The following WNT10B variants were observed in gnomAD, a reference collection of about 807,000 sequenced individuals.
The protein encoded by WNT10B is Wnt family member 10B, also known as protein Wnt-10b.
Under a neutral mutation model 32.7 loss-of-function variants are expected in WNT10B, and 26 were observed. The ratio of observed to expected loss-of-function variants is 0.79; its 90% confidence interval spans 0.58 to 1.10. The LOEUF is 1.10. WNT10B is among the 50% of genes least tolerant of loss of function. The pLI, the probability that WNT10B is intolerant of heterozygous loss-of-function variation, is 0.00. For missense variants in WNT10B, 474 were observed against 532.5 expected, an observed-to-expected ratio of 0.89 and a Z score of 1.08; for synonymous variants, 204 against 220.4, an observed-to-expected ratio of 0.93 and a Z score of 0.66.
In WNT10B at chr12:48,970,024, G is replaced by T. The variant is rs1225996052; in HGVS notation, c.337+65C>A. 1.2e-5 allele frequency: 16 copies of T among 1,385,008 alleles called. No homozygotes were observed. Among genetic ancestry groups the T allele is most frequent in the Admixed American group, 6.9e-5 (2 of 28,938 alleles). The allele number at this position is 1,385,008 out of a possible 1,614,324, so 85.8% of individuals were successfully genotyped here. On this transcript the variant is annotated intron_variant, in intron 3 of 4. Transcript: ENST00000301061. The surrounding 1 kb of genome is among the most constrained non-coding windows in gnomAD (Gnocchi z 5.0). The stretch of plus-strand genomic sequence containing the variant: ...CGAAACCATCCCTTCCCGCCTCCGC[G>T]CGCCTCGCCCTGCCGCCCACCCCCT...
intron 3 of WNT10B, among the ~76,000 whole-genome samples, chr12:48,968,780 GTTTT>G (rs1241721673): frequency 6.9e-6 from 1 of 145,970 alleles, no homozygotes; most frequent in East Asian, 1.9e-4. Context: ...TTGTGGTTCT[GTTTT>G]TTTGTTTTTT....
At position 48,965,982 on chromosome 12, in the gene WNT10B, T is replaced by C; in HGVS notation, c.*113A>G. ...ACCCCTAAAGCTGTTTCCAGGTAGA[T>C]ACTTTAAGCTTCCAGGGACCAAGAG... On this transcript the variant is annotated 3_prime_UTR_variant, in exon 5 of 5. Transcript: ENST00000301061. 2 of 1,313,914 alleles carry C rather than the reference T, an allele frequency of 1.5e-6. No homozygotes were observed. The highest frequency in any genetic ancestry group is 2.1e-6 in the Non-Finnish European group (2 of 943,664). The allele number at this position is 1,313,914 out of a possible 1,614,324, so 81.4% of individuals were successfully genotyped here.
Position 48,968,160 on chromosome 12 carries a change from G to A in WNT10B, c.497C>T (p.Ala166Val), listed in dbSNP as rs1565716464. ...RLRAKLLQLQ[A>V]LSRGKSFPHS... is the part of the protein sequence containing the mutation. ...GGGGAAACTCTTGCCTCGGGACAGTGCCTGCAGCTGCAGCAGTTTGGCCCT... is the reference window on the plus strand; with the variant it reads ...GGGGAAACTCTTGCCTCGGGACAGTACCTGCAGCTGCAGCAGTTTGGCCCT... The change falls in exon 4 of 5, where the codon GCA becomes GTA. Residue 166 changes from alanine to valine, a missense_variant. By Grantham distance (64) the Ala-to-Val change is moderately conservative. Transcript: ENST00000301061. 2 of 1,614,170 alleles carry A rather than the reference G, an allele frequency of 1.2e-6. No homozygotes were observed. The highest frequency in any genetic ancestry group is 8.5e-7 in the Non-Finnish European group (1 of 1,180,046).
chr12:48,970,588 G>C lies in WNT10B; in HGVS notation c.-40-19C>G, dbSNP rs113195587. On this transcript the variant is annotated intron_variant, in intron 1 of 4. Transcript: ENST00000301061. This position sits in a 1 kb window ranked among gnomAD's most constrained non-coding sequence, Gnocchi z 5.0. The stretch of plus-strand genomic sequence containing the variant: ...TCAGGACCTGCGGGACGGGAGACTT[G>C]ATGCGGGTTCAGGAATAGGGCGGCT... 2.4e-5 allele frequency: 37 copies of C among 1,541,794 alleles called. No individual in the cohort carries two copies. Among genetic ancestry groups the C allele is most frequent in the African/African-American group, 2.3e-4 (17 of 73,248 alleles).
At position 48,970,808 on chromosome 12, in the gene WNT10B, A is replaced by G. The variant is rs907152489; in HGVS notation, c.-40-239T>C. On this transcript the variant is annotated intron_variant, in intron 1 of 4. Transcript: ENST00000301061. The surrounding 1 kb of genome is among the most constrained non-coding windows in gnomAD (Gnocchi z 5.0). ...CAGGACTCAAGCGAGCACCCCTGGA[A>G]CCTTGCCCAATCAGACACAACGCCC... The G allele has an allele frequency of 1.4e-5, 8 of 563,678 alleles. No homozygotes were observed. The highest frequency in any genetic ancestry group is 2.5e-5 in the Non-Finnish European group (8 of 315,110). 34.9% of individuals were successfully genotyped at this position (563,678 alleles called of 1,614,324 possible). A position where few individuals can be genotyped will look rare whatever the true frequency, so the allele number is the denominator to read the frequency against.
Position 48,968,100 on chromosome 12 carries a change from G to A in WNT10B, c.557C>T (p.Pro186Leu), listed in dbSNP as rs2137612759. The A allele has an allele frequency of 1.9e-6, 3 of 1,614,212 alleles. No homozygotes were observed. In the South Asian group the frequency reaches 3.3e-5, roughly 18 times the overall value. ...SLPSPGPGSSPSPGPQDTWEW... is the reference protein window; with the variant it reads ...SLPSPGPGSSLSPGPQDTWEW... The stretch of plus-strand genomic sequence containing the variant: ...CCATGTGTCCTGGGGGCCAGGGCTG[G>A]GGCTTGAGCCAGGGCCAGGGCTGGG... Residue 186 changes from proline to leucine, a missense_variant, in exon 4 of 5, where the codon CCC becomes CTC. By Grantham distance (98) the Pro-to-Leu change is moderately conservative. Coordinates refer to ENST00000301061, the MANE Select transcript of WNT10B (RefSeq NM_003394.4).
At position 48,970,287 on chromosome 12, in the gene WNT10B, C is replaced by A. The variant is rs371297834; in HGVS notation, c.139G>T (p.Val47Leu). ...CTCAGGCCGGACAGCGTCAAGCACA[C>A]GGTGTTGGCCGTCAGCGGCGGCTCG... The part of the protein sequence containing the change: ...PGEPPLTANT[V>L]CLTLSGLSKR... Residue 47 changes from valine (V) to leucine (L), a missense_variant, in exon 3 of 5, where the codon GTG (valine) becomes TTG (leucine). Transcript: ENST00000301061. This position sits in a 1 kb window ranked among gnomAD's most constrained non-coding sequence, Gnocchi z 5.0. 31 of 1,613,852 alleles carry A rather than the reference C, an allele frequency of 1.9e-5. No individual in the cohort carries two copies. Among genetic ancestry groups the A allele is most frequent in the Non-Finnish European group, 2.6e-5 (31 of 1,179,952 alleles).
chr12:48,968,198 C>T lies in WNT10B; in HGVS notation c.459G>A (p.Glu153=). 2.5e-6 allele frequency: 4 copies of T among 1,613,652 alleles called. No homozygotes were observed. Among genetic ancestry groups the T allele is most frequent in the Non-Finnish European group, 3.4e-6 (4 of 1,180,048 alleles). ...GCAGTTTGGCCCTCAGCCGATCCTGCTCACCACTGCCCTTCCAGCCACAGC... is the reference window on the plus strand; with the variant it reads ...GCAGTTTGGCCCTCAGCCGATCCTGTTCACCACTGCCCTTCCAGCCACAGC... ...SCGCGWKGSG[E]QDRLRAKLLQ... Residue 153 remains glutamate (E), a synonymous_variant, in exon 4 of 5, where the codon GAG becomes GAA. Transcript: ENST00000301061.
chr12:48,967,861 T>C, intron 4 of WNT10B, 85 bp downstream of exon 4: 3 of 1,566,292 alleles, frequency 1.9e-6, no homozygotes, highest in Non-Finnish European at 2.6e-6. Flanking sequence ...CTCATCACAC[T>C]TTATCCTATC....
chr12:48,970,022 G>C lies in WNT10B; in HGVS notation c.337+67C>G. The C allele has an allele frequency of 2.2e-6, 3 of 1,383,912 alleles. No individual in the cohort carries two copies. Among genetic ancestry groups the C allele is most frequent in the South Asian group, 3.3e-5 (2 of 60,800 alleles). The allele number at this position is 1,383,912 out of a possible 1,614,324, so 85.7% of individuals were successfully genotyped here. A position where few individuals can be genotyped will look rare whatever the true frequency, so the allele number is the denominator to read the frequency against. On this transcript the variant is annotated intron_variant, in intron 3 of 4. Coordinates refer to ENST00000301061, the MANE Select transcript of WNT10B (RefSeq NM_003394.4). The surrounding 1 kb of genome is among the most constrained non-coding windows in gnomAD (Gnocchi z 5.0). ...CGCGAAACCATCCCTTCCCGCCTCC[G>C]CGCGCCTCGCCCTGCCGCCCACCCC...
At chr12:48,969,407 C>T (rs1485372540) in intron 3 of WNT10B, among the ~76,000 whole-genome samples, 2 of 152,204 alleles carry the variant, frequency 1.3e-5, no homozygotes, top group Non-Finnish European at 2.9e-5. Context: ...GGGCTGAGCC[C>T]CCATGGGTCT....
In WNT10B at chr12:48,970,466, A is replaced by G. The variant is rs1416546730; in HGVS notation, c.64T>C (p.Leu22=). The change falls in exon 2 of 5, where the codon TTG becomes CTG. Residue 22 remains leucine (L), a synonymous_variant. Transcript: ENST00000301061. This position sits in a 1 kb window ranked among gnomAD's most constrained non-coding sequence, Gnocchi z 5.0. ...AGGGGAACTGCTCACCGACTGCACA[A>G]CGCCAGGAACAGGAGACCCGCGAGG... ...SGLAGLLFLA[L]CSRALSNEIL... 6.2e-7 allele frequency: 1 copy of G among 1,612,970 alleles called. No individual in the cohort carries two copies.
chr12:48,970,626 C>A lies in WNT10B; in HGVS notation c.-40-57G>T. ...GAATAGGGCGGCTCGCTTGGGGAAC[C>A]AAGTGACGCCCTTCTTCGGGCTCCT... is the stretch of plus-strand genomic sequence containing the variant. On this transcript the variant is annotated intron_variant, in intron 1 of 4. Transcript: ENST00000301061. This position sits in a 1 kb window ranked among gnomAD's most constrained non-coding sequence, Gnocchi z 5.0. 7.2e-7 allele frequency: 1 copy of A among 1,387,664 alleles called. No homozygotes were observed. Among genetic ancestry groups the A allele is most frequent in the Non-Finnish European group, 1.0e-6 (1 of 1,003,390 alleles). 86.0% of individuals were successfully genotyped at this position (1,387,664 alleles called of 1,614,324 possible).
rs200464661 is a variant in WNT10B at position 48,970,121 on chromosome 12, C to T, written c.305G>A (p.Arg102His). The T allele has an allele frequency of 3.9e-6, 6 of 1,524,082 alleles. No individual in the cohort carries two copies. Among genetic ancestry groups the T allele is most frequent in the Non-Finnish European group, 4.4e-6 (5 of 1,139,392 alleles). 94.4% of individuals were successfully genotyped at this position (1,524,082 alleles called of 1,614,324 possible). A position where few individuals can be genotyped will look rare whatever the true frequency, so the allele number is the denominator to read the frequency against. ...GAGGATGGCGCTGTGGTGCGGCAGGCGGCCGCCGCCCTCAAGCGCGGAGCA... is the reference window on the plus strand; with the variant it reads ...GAGGATGGCGCTGTGGTGCGGCAGGTGGCCGCCGCCCTCAAGCGCGGAGCA... The part of the protein sequence containing the change: ...WNCSALEGGG[R>H]LPHHSAILKR... The change falls in exon 3 of 5, where the codon CGC (arginine) becomes CAC (histidine). Residue 102 changes from arginine to histidine, a missense_variant. By Grantham distance (29) the Arg-to-His change is conservative. Coordinates refer to ENST00000301061, the MANE Select transcript of WNT10B (RefSeq NM_003394.4). This position sits in a 1 kb window ranked among gnomAD's most constrained non-coding sequence, Gnocchi z 5.0.
chr12:48,966,325 A>G lies in WNT10B; in HGVS notation c.940T>C (p.Ser314Pro), dbSNP rs1168171045. 2 of 1,614,148 alleles carry G rather than the reference A, an allele frequency of 1.2e-6. No homozygotes were observed. Among genetic ancestry groups the G allele is most frequent in the South Asian group, 1.1e-5 (1 of 91,074 alleles). ...GGGTCTCGCTCACAGAAGTCAGGAG[A>G]CTTCTCAAAGTAGACCAGCTCTCCT... ...LSGELVYFEK[S>P]PDFCERDPTM... Residue 314 changes from serine (S) to proline (P), a missense_variant, in exon 5 of 5, where the codon TCT (serine) becomes CCT (proline). Coordinates refer to ENST00000301061, the MANE Select transcript of WNT10B (RefSeq NM_003394.4).
rs1940840625 is a variant in WNT10B, at chr12:48,970,793, G to T, written c.-40-224C>A. On this transcript the variant is annotated intron_variant, in intron 1 of 4. Coordinates refer to ENST00000301061, the MANE Select transcript of WNT10B (RefSeq NM_003394.4). This position sits in a 1 kb window ranked among gnomAD's most constrained non-coding sequence, Gnocchi z 5.0. ...GGCGTTGTCCCAGCTCAGGACTCAA[G>T]CGAGCACCCCTGGAACCTTGCCCAA... 6 of 581,836 alleles carry T rather than the reference G, an allele frequency of 1.0e-5. No homozygotes were observed. The South Asian group carries it at 1.2e-4, about 12-fold the overall frequency. 36.0% of individuals were successfully genotyped at this position (581,836 alleles called of 1,614,324 possible).
chr12:48,970,331 A>C lies in WNT10B; in HGVS notation c.95T>G (p.Leu32Arg). The C allele has an allele frequency of 6.2e-7, 1 of 1,614,044 alleles. No individual in the cohort carries two copies. The highest frequency in any genetic ancestry group is 8.5e-7 in the Non-Finnish European group (1 of 1,179,956). ...CGGCTCGCCAGGCAACTTCAGGCCCAGAATCTCATTGCTTAGAGCCCTGGG... is the reference window on the plus strand; with the variant it reads ...CGGCTCGCCAGGCAACTTCAGGCCCCGAATCTCATTGCTTAGAGCCCTGGG... ...LCSRALSNEILGLKLPGEPPL... is the reference protein window; with the variant it reads ...LCSRALSNEIRGLKLPGEPPL... The change falls in exon 3 of 5, where the codon CTG becomes CGG. Residue 32 changes from leucine (L) to arginine (R), a missense_variant. Physicochemically the swap from Leu to Arg is moderately radical, Grantham distance 102 (BLOSUM62 -2). Coordinates refer to ENST00000301061, the MANE Select transcript of WNT10B (RefSeq NM_003394.4). The surrounding 1 kb of genome is among the most constrained non-coding windows in gnomAD (Gnocchi z 5.0).
Position 48,970,622 on chromosome 12 carries a change from G to T in WNT10B, c.-40-53C>A. The T allele has an allele frequency of 7.0e-7, 1 of 1,422,026 alleles. No individual in the cohort carries two copies. Among genetic ancestry groups the T allele is most frequent in the Non-Finnish European group, 9.7e-7 (1 of 1,034,098 alleles). 88.1% of individuals were successfully genotyped at this position (1,422,026 alleles called of 1,614,324 possible). On this transcript the variant is annotated intron_variant, in intron 1 of 4. Transcript: ENST00000301061. This position sits in a 1 kb window ranked among gnomAD's most constrained non-coding sequence, Gnocchi z 5.0. Reference sequence around the variant, plus strand: ...TCAGGAATAGGGCGGCTCGCTTGGGGAACCAAGTGACGCCCTTCTTCGGGC... The same window carrying T: ...TCAGGAATAGGGCGGCTCGCTTGGGTAACCAAGTGACGCCCTTCTTCGGGC...
At position 48,970,909 on chromosome 12, in the gene WNT10B, G is replaced by A; in HGVS notation, c.-40-340C>T. 1 of 336,354 alleles carries A rather than the reference G, an allele frequency of 3.0e-6. No individual in the cohort carries two copies. Among genetic ancestry groups the A allele is most frequent in the South Asian group, 3.2e-5 (1 of 31,122 alleles). The allele number at this position is 336,354 out of a possible 1,614,324, so 20.8% of individuals were successfully genotyped here. On this transcript the variant is annotated intron_variant, in intron 1 of 4. Transcript: ENST00000301061. This position sits in a 1 kb window ranked among gnomAD's most constrained non-coding sequence, Gnocchi z 5.0. The stretch of plus-strand genomic sequence containing the variant: ...CACTTGCTCCACAACCTCGCCTACT[G>A]CTCCCTTTTCCAGGGCCCCACGACT...
Sources: allele counts gnomAD v4.1 joint callset (sites outside exome capture counted in the v4.1 genomes callset), GRCh38; gene constraint gnomAD v4.1.1; non-coding constraint Gnocchi (gnomAD v3.1); transcripts MANE v1.5; gene names NCBI Gene and HGNC (gene_info 2026-07-23, HGNC 2026-07-21).